The following PRKCB variants were observed in gnomAD, a reference collection of about 807,000 sequenced individuals.
The protein encoded by PRKCB is protein kinase C beta type.
Under a neutral mutation model 81.5 loss-of-function variants are expected in PRKCB, and 13 were observed. The observed-to-expected ratio is 0.16, with a 90% CI of 0.10 to 0.25. The LOEUF (loss-of-function observed/expected upper bound fraction) is 0.25, where lower values mean the gene tolerates loss of function less well. Ranked by LOEUF, PRKCB falls within the 10% of genes least tolerant of loss-of-function variation. The pLI is 1.00. For synonymous variants in PRKCB, 335 were observed against 321.4 expected, an observed-to-expected ratio of 1.04 and a Z score of -0.45; for missense variants, 509 against 875.7, an observed-to-expected ratio of 0.58 and a Z score of 5.29.
At chr16:23,851,110 CA>C (rs1161038219) in intron 2 of PRKCB, among the ~76,000 whole-genome samples, 4 of 152,154 alleles carry the variant, frequency 2.6e-5, no homozygotes, top group Non-Finnish European at 5.9e-5. Flanking sequence ...AGGAAGCTTT[CA>C]GTTTGATGCC....
chr16:23,850,655 A>G (rs960370590), intron 2 of PRKCB, among the ~76,000 whole-genome samples: 4 of 152,128 alleles, frequency 2.6e-5, no homozygotes, highest in African/African-American at 7.2e-5. Context: ...GTCAGCCACC[A>G]TGCTCGGTGG....
intron 16 of PRKCB, among the ~76,000 whole-genome samples, chr16:24,207,594 T>C (rs1230722218): frequency 3.9e-5 from 6 of 152,228 alleles, no homozygotes. Context: ...TTTTTAAGAA[T>C]GTTTTGCATG....
intron 2 of PRKCB, among the ~76,000 whole-genome samples, chr16:23,933,466 G>A (rs186685998): frequency 6.3e-4 from 96 of 152,234 alleles, no homozygotes; most frequent in African/African-American, 2.2e-3. Flanking sequence ...GATACAGTTA[G>A]GCTTCATAAT....
chr16:24,198,021 C>T (rs1360233582), intron 16 of PRKCB, among the ~76,000 whole-genome samples: 1 of 152,154 alleles, frequency 6.6e-6, no homozygotes, highest in East Asian at 1.9e-4. Context: ...CCTGTCCATC[C>T]TGTTGCAAAG....
chr16:24,196,431 C>T (rs944446255), intron 16 of PRKCB, among the ~76,000 whole-genome samples: 3 of 152,164 alleles, frequency 2.0e-5, no homozygotes, highest in East Asian at 1.9e-4. Flanking sequence ...GTCATGGCAT[C>T]GTGTGGTTTT....
intron 11 of PRKCB, among the ~76,000 whole-genome samples, chr16:24,172,746 A>G (rs1967462951): frequency 6.6e-6 from 1 of 152,180 alleles, no homozygotes; most frequent in African/African-American, 2.4e-5. Context: ...AAAATAAAAC[A>G]AAACTCAAAG....
chr16:24,061,766 G>A (rs1189518654), intron 5 of PRKCB, among the ~76,000 whole-genome samples: 1 of 151,934 alleles, frequency 6.6e-6, no homozygotes, highest in Non-Finnish European at 1.5e-5. Context: ...AACTTCCCGG[G>A]AGGGAAAACA....
intron 2 of PRKCB, among the ~76,000 whole-genome samples, chr16:23,941,311 A>T (rs1964138367): frequency 6.6e-6 from 1 of 152,210 alleles, no homozygotes; most frequent in South Asian, 2.1e-4. Flanking sequence ...AAGTTTTCAA[A>T]ATCCTCACCA....
intron 10 of PRKCB, among the ~76,000 whole-genome samples, chr16:24,162,314 T>C: frequency 6.6e-6 from 1 of 152,070 alleles, no homozygotes; most frequent in South Asian, 2.1e-4. Flanking sequence ...TGGTTGGACT[T>C]AAGGGCATTG....
chr16:24,020,841 C>G (rs1965347713), intron 3 of PRKCB, among the ~76,000 whole-genome samples: 3 of 152,166 alleles, frequency 2.0e-5, no homozygotes, highest in Non-Finnish European at 2.9e-5. Context: ...TCTATGGATG[C>G]TGTTAGCTTG....
intron 2 of PRKCB, among the ~76,000 whole-genome samples, chr16:23,912,840 T>TTTCTTTATTTATTTA (rs59682849): frequency 6.8e-6 from 1 of 148,024 alleles, no homozygotes; most frequent in Non-Finnish European, 1.5e-5. Flanking sequence ...TTATTTATTT[T>TTTCTTTATTTATTTA]TTGATATGGA....
chr16:24,055,255 C>T (rs1244214462), intron 5 of PRKCB, among the ~76,000 whole-genome samples: 1 of 152,240 alleles, frequency 6.6e-6, no homozygotes, highest in African/African-American at 2.4e-5. Flanking sequence ...TCTGAAACCC[C>T]TTCAGACACC....
chr16:23,893,512 A>G (rs1399991927), intron 2 of PRKCB: 1 of 152,186 alleles, frequency 6.6e-6, no homozygotes, highest in Non-Finnish European at 1.5e-5. Context: ...CAGTTCAATG[A>G]CTGTTTGTAA....
chr16:24,074,320 G>T (rs1966151736), intron 5 of PRKCB, among the ~76,000 whole-genome samples: 1 of 152,182 alleles, frequency 6.6e-6, no homozygotes, highest in South Asian at 2.1e-4. Flanking sequence ...GAGGAAGACA[G>T]AGAGGGTTCA....
intron 2 of PRKCB, among the ~76,000 whole-genome samples, chr16:23,956,691 G>A (rs1012098030): frequency 6.6e-6 from 1 of 152,162 alleles, no homozygotes; most frequent in Non-Finnish European, 1.5e-5. Flanking sequence ...CTTAGAAAAT[G>A]TCTTTTAGAA....
chr16:23,839,826 C>A (rs1962236100), intron 2 of PRKCB, among the ~76,000 whole-genome samples: 1 of 152,184 alleles, frequency 6.6e-6, no homozygotes, highest in South Asian at 2.1e-4. Flanking sequence ...GATTCTTGGA[C>A]CAGAGCTTGA....
chr16:23,912,778 G>A (rs926857670), intron 2 of PRKCB, among the ~76,000 whole-genome samples: 4 of 151,288 alleles, frequency 2.6e-5, no homozygotes, highest in African/African-American at 9.7e-5. Context: ...CTCCCAAAGG[G>A]CTGGGATTAC....
chr16:24,031,460 A>AC (rs1965550782), intron 3 of PRKCB, among the ~76,000 whole-genome samples: 1 of 152,218 alleles, frequency 6.6e-6, no homozygotes, highest in Non-Finnish European at 1.5e-5. Context: ...GCCCTGGAGC[A>AC]CACACATCCC....
chr16:24,039,232 CTTTTT>C (rs944830252), intron 5 of PRKCB, among the ~76,000 whole-genome samples: 1 of 151,566 alleles, frequency 6.6e-6, no homozygotes, highest in African/African-American at 2.4e-5. Context: ...TTCTTTTTTT[CTTTTT>C]ATTTTGTTTT....
Sources: allele counts gnomAD v4.1 joint callset (sites outside exome capture counted in the v4.1 genomes callset), GRCh38; gene constraint gnomAD v4.1.1; transcripts MANE v1.5; gene names NCBI Gene and HGNC (gene_info 2026-07-23, HGNC 2026-07-21).